The following GPR158 variants were observed in gnomAD, a reference collection of about 807,000 sequenced individuals.
GPR158 encodes G protein-coupled receptor 158, also known as metabotropic glycine receptor.
In GPR158, 30 loss-of-function variants were observed where a neutral mutation model predicts 78.2. The ratio of observed to expected loss-of-function variants is 0.38; its 90% CI spans 0.29 to 0.52. The LOEUF is 0.52. Among genes scored for constraint, GPR158 ranks in the 20% least tolerant of loss-of-function variants. GPR158 has a pLI of 0.83. For synonymous variants in GPR158, 581 were observed against 591.1 expected, an observed-to-expected ratio of 0.98 and a Z score of 0.25; for missense variants, 1,463 against 1,523.5, an observed-to-expected ratio of 0.96 and a Z score of 0.66.
At chr10:25,209,551 A>G (rs1299088080) in intron 1 of GPR158, among the ~76,000 whole-genome samples, 1 of 152,154 alleles carries the variant, frequency 6.6e-6, no homozygotes, top group Non-Finnish European at 1.5e-5. Context: ...CCTTACATGT[A>G]GTAGGGACAC....
chr10:25,588,165 TA>T (rs1770321387), intron 7 of GPR158, among the ~76,000 whole-genome samples: 1 of 152,262 alleles, frequency 6.6e-6, no homozygotes, highest in South Asian at 2.1e-4. Flanking sequence ...AAGTGCTTTC[TA>T]TGCATTATTT....
chr10:25,493,007 T>C (rs947637523), intron 5 of GPR158, among the ~76,000 whole-genome samples: 1 of 152,002 alleles, frequency 6.6e-6, no homozygotes, highest in Non-Finnish European at 1.5e-5. Context: ...AAATTAGCAT[T>C]TACAAAGAGT....
chr10:25,333,096 G>C (rs931060234), intron 2 of GPR158, among the ~76,000 whole-genome samples: 1 of 152,040 alleles, frequency 6.6e-6, no homozygotes, highest in African/African-American at 2.4e-5. Flanking sequence ...AACGAGAGAG[G>C]CACTCAAAGA....
At chr10:25,451,766 G>C (rs1010203424) in intron 4 of GPR158, among the ~76,000 whole-genome samples, 8 of 152,150 alleles carry the variant, frequency 5.3e-5, no homozygotes, top group Admixed American at 1.3e-4. Flanking sequence ...GGGTTAATAA[G>C]TGTGAAGTGC....
intron 2 of GPR158, among the ~76,000 whole-genome samples, chr10:25,298,728 T>C (rs1854550330): frequency 6.6e-6 from 1 of 152,212 alleles, no homozygotes. Flanking sequence ...TGTTATCTTA[T>C]TTAAAAATTA....
chr10:25,175,879 C>A lies in GPR158; in HGVS notation c.459C>A (p.Asp153Glu). The change falls in exon 1 of 11, where the codon GAC (aspartate) becomes GAA (glutamate). Residue 153 changes from aspartate (D) to glutamate (E), a missense_variant. Physicochemically the swap from Asp to Glu is conservative, Grantham distance 45. Coordinates refer to ENST00000376351, the MANE Select transcript of GPR158 (RefSeq NM_020752.3). The surrounding 1 kb of genome is among the most constrained non-coding windows in gnomAD (Gnocchi z 6.4). Reference protein sequence around the residue: ...NKSREQNLQDDLDWYQALVWS... With the variant: ...NKSREQNLQDELDWYQALVWS... ...CGCGGGAGCAGAACTTGCAGGACGA[C>A]CTGGATTGGTACCAGGCGCTGGTGT... 1.2e-6 allele frequency: 2 copies of A among 1,613,902 alleles called. No homozygotes were observed. Among genetic ancestry groups the A allele is most frequent in the Non-Finnish European group, 1.7e-6 (2 of 1,180,008 alleles).
chr10:25,322,733 T>C (rs567112882), intron 2 of GPR158, among the ~76,000 whole-genome samples: 10 of 152,342 alleles, frequency 6.6e-5, no homozygotes, highest in Non-Finnish European at 1.2e-4. Flanking sequence ...GAATGGATGT[T>C]GTGTTAGCAG....
At chr10:25,247,317 C>CTT (rs547318746) in intron 2 of GPR158, among the ~76,000 whole-genome samples, 18 of 140,582 alleles carry the variant, frequency 1.3e-4, no homozygotes, top group African/African-American at 4.7e-4. Flanking sequence ...TTTTTTTTTT[C>CTT]TTTTTTTTTT....
At chr10:25,310,557 A>G (rs1481173851) in intron 2 of GPR158, among the ~76,000 whole-genome samples, 1 of 151,876 alleles carries the variant, frequency 6.6e-6, no homozygotes, top group African/African-American at 2.4e-5. Context: ...GCTTTCTTTA[A>G]TTTCTTTCAG....
At position 25,599,148 on chromosome 10, in the gene GPR158, G is replaced by A. The variant is rs1382007197; in HGVS notation, c.3522G>A (p.Trp1174Ter). 9 of 1,610,886 alleles carry A rather than the reference G, an allele frequency of 5.6e-6. No individual in the cohort carries two copies. Among genetic ancestry groups the A allele is most frequent in the Non-Finnish European group, 7.6e-6 (9 of 1,179,986 alleles). ...PLTSRAEVCP[W>*]EFETPAQPNA... Reference sequence around the variant, plus strand: ...CATCACGAGCAGAGGTTTGTCCTTGGGAGTTTGAGACCCCAGCTCAACCAA... The same window carrying A: ...CATCACGAGCAGAGGTTTGTCCTTGAGAGTTTGAGACCCCAGCTCAACCAA... Residue 1174 changes from tryptophan (W) to a stop codon, truncating the protein, a stop_gained, in exon 11 of 11, where the codon TGG becomes TGA. Coordinates refer to ENST00000376351, the MANE Select transcript of GPR158 (RefSeq NM_020752.3). LOFTEE classifies it high-confidence loss of function.
Position 25,185,674 on chromosome 10 carries a change from T to G in GPR158, c.902+9352T>G, listed in dbSNP as rs187163717. On this transcript the variant is annotated intron_variant, in intron 1 of 10. Transcript: ENST00000376351. ...CCGTCTGTACTAAAAATACAAAAAA[T>G]TAGCCAGGCGTGGTGGCAGGCGCCT... 9.2e-3 allele frequency among the ~76,000 whole-genome samples: 1,398 copies of G among 152,110 alleles called. 11 individuals carry two copies. Among genetic ancestry groups the G allele is most frequent in the Middle Eastern group, 0.071 (21 of 294 alleles).
At chr10:25,253,807 G>A (rs766672460) in intron 2 of GPR158, among the ~76,000 whole-genome samples, 107 of 152,096 alleles carry the variant, frequency 7.0e-4, no homozygotes, top group African/African-American at 2.3e-3. Flanking sequence ...TTTCCTTTTC[G>A]AAGAAAATTA....
chr10:25,315,354 TA>T (rs968216767), intron 2 of GPR158, among the ~76,000 whole-genome samples: 3 of 152,126 alleles, frequency 2.0e-5, no homozygotes, highest in African/African-American at 4.8e-5. Context: ...CTTTTAGTCT[TA>T]AAAAAATCTT....
chr10:25,424,699 T>C (rs942060164), intron 4 of GPR158, among the ~76,000 whole-genome samples: 13 of 151,932 alleles, frequency 8.6e-5, no homozygotes, highest in African/African-American at 2.2e-4. Flanking sequence ...GTTGTAGATA[T>C]GTGGTGTTAT....
intron 2 of GPR158, among the ~76,000 whole-genome samples, chr10:25,314,741 A>G (rs987956229): frequency 4.0e-5 from 6 of 150,072 alleles, no homozygotes; most frequent in African/African-American, 1.5e-4. Context: ...ATTTTCCTAA[A>G]ACTATCAAGT....
chr10:25,336,195 A>G (rs1429330049), intron 2 of GPR158, among the ~76,000 whole-genome samples: 1 of 152,118 alleles, frequency 6.6e-6, no homozygotes. Context: ...TGTACATATC[A>G]TAAAAAAGAC....
chr10:25,395,099 T>TA (rs1218757615), intron 2 of GPR158, among the ~76,000 whole-genome samples: 1 of 152,172 alleles, frequency 6.6e-6, no homozygotes, highest in Non-Finnish European at 1.5e-5. Context: ...TATTCCTTGC[T>TA]ATGTAATTAA....
chr10:25,560,869 C>T (rs1039245452), intron 6 of GPR158, among the ~76,000 whole-genome samples: 1 of 152,092 alleles, frequency 6.6e-6, no homozygotes, highest in South Asian at 2.1e-4. Flanking sequence ...GTCATTTCTA[C>T]CACATTTCAA....
intron 2 of GPR158, among the ~76,000 whole-genome samples, chr10:25,242,706 AAAAT>A (rs1853642549): frequency 6.6e-6 from 1 of 152,340 alleles, no homozygotes; most frequent in East Asian, 1.9e-4. Context: ...GTATGGAATG[AAAAT>A]TATTTATTTT....
Sources: allele counts gnomAD v4.1 joint callset (sites outside exome capture counted in the v4.1 genomes callset), GRCh38; gene constraint gnomAD v4.1.1; non-coding constraint Gnocchi (gnomAD v3.1); transcripts MANE v1.5; gene names NCBI Gene and HGNC (gene_info 2026-07-23, HGNC 2026-07-21).